Variants in ZNF618 observed in about 807,000 individuals in gnomAD.
ZNF618 encodes the protein zinc finger protein 618, also known as neural precursor cell expressed, developmentally down-regulated 10.
ZNF618 carries 34 observed loss-of-function variants against 103.0 expected under a neutral mutation model. The ratio of observed to expected loss-of-function variants is 0.33; its 90% CI spans 0.25 to 0.44. The LOEUF is 0.44. ZNF618 is among the 20% of genes least tolerant of loss of function. The pLI is 1.00. For missense variants in ZNF618, 1,059 were observed against 1,295.4 expected (o/e 0.82, Z 2.80); for synonymous variants, 551 against 542.2 (o/e 1.02, Z -0.23).
At position 114,028,826 on chromosome 9, in the gene ZNF618, C is replaced by T. The variant is rs905110754; in HGVS notation, c.938C>T (p.Ala313Val). ...EVSPSPRFVA[A>V]KTQTNQSGKK... ...TCCCCATCTCCACGCTTCGTGGCAG[C>T]GAAGACCCAGACGAACCAGTCGGGG... Residue 313 changes from alanine to valine, a missense_variant, in exon 11 of 15, where the codon GCG (alanine) becomes GTG (valine). Coordinates refer to ENST00000374126, the MANE Select transcript of ZNF618 (RefSeq NM_001318042.2). 2.1e-5 allele frequency: 32 copies of T among 1,550,492 alleles called. No individual in the cohort carries two copies. In the African/African-American group the frequency reaches 3.8e-4, roughly 19 times the overall value.
intron 2 of ZNF618, among the ~76,000 whole-genome samples, chr9:113,976,030 CTTAA>C (rs1171605935): frequency 6.6e-6 from 1 of 152,170 alleles, no homozygotes; most frequent in Non-Finnish European, 1.5e-5. Flanking sequence ...GTTCACTCTG[CTTAA>C]TTAGTTACCA....
At chr9:113,930,550 A>AT (rs1833490451) in intron 1 of ZNF618, among the ~76,000 whole-genome samples, 2 of 152,218 alleles carry the variant, frequency 1.3e-5, no homozygotes, top group African/African-American at 4.8e-5. Context: ...TGTAATTTCT[A>AT]TTTTTAAGGC....
At chr9:113,986,485 A>G (rs976372408) in intron 2 of ZNF618, among the ~76,000 whole-genome samples, 2 of 152,144 alleles carry the variant, frequency 1.3e-5, no homozygotes, top group Non-Finnish European at 2.9e-5. Flanking sequence ...GGAGGTTGTG[A>G]TTAGGTTGCC....
intron 1 of ZNF618, among the ~76,000 whole-genome samples, chr9:113,961,381 G>A (rs1461937382): frequency 1.3e-5 from 2 of 152,220 alleles, no homozygotes; most frequent in South Asian, 4.1e-4. Context: ...ATAATACATA[G>A]TGGTATTTGG....
At chr9:113,944,091 G>A (rs1049681467) in intron 1 of ZNF618, among the ~76,000 whole-genome samples, 9 of 152,110 alleles carry the variant, frequency 5.9e-5, no homozygotes, top group Non-Finnish European at 1.2e-4. Context: ...CGCCCTGCAC[G>A]GTTTGATCCA....
At chr9:114,043,279 T>C (rs911573131) in intron 13 of ZNF618, among the ~76,000 whole-genome samples, 5 of 152,260 alleles carry the variant, frequency 3.3e-5, no homozygotes, top group Non-Finnish European at 7.3e-5. Context: ...AAGGTAATTC[T>C]GTTTAATCCT....
chr9:113,901,788 T>G (rs1830575055), intron 1 of ZNF618, among the ~76,000 whole-genome samples: 1 of 152,186 alleles, frequency 6.6e-6, no homozygotes, highest in South Asian at 2.1e-4. Context: ...TGCTGCCTCC[T>G]TGGTCCCTAA....
At chr9:113,951,548 C>T (rs1422843543) in intron 1 of ZNF618, among the ~76,000 whole-genome samples, 2 of 59,630 alleles carry the variant, frequency 3.4e-5, no homozygotes, top group African/African-American at 1.1e-4. Flanking sequence ...CATATGTACA[C>T]ATATGTGTGT....
chr9:114,039,894 C>CAAG, intron 13 of ZNF618, among the ~76,000 whole-genome samples: 7 of 152,094 alleles, frequency 4.6e-5, no homozygotes, highest in African/African-American at 1.7e-4. Context: ...GGGAAGCAAC[C>CAAG]TTTATTCCAG....
intron 4 of ZNF618, among the ~76,000 whole-genome samples, chr9:113,999,583 C>G (rs1840978493): frequency 6.6e-6 from 1 of 152,202 alleles, no homozygotes; most frequent in East Asian, 1.9e-4. Context: ...GCTGCATGTG[C>G]CCACAGCTCT....
intron 1 of ZNF618, among the ~76,000 whole-genome samples, chr9:113,886,668 C>G (rs2130915002): frequency 6.6e-6 from 1 of 152,090 alleles, no homozygotes; most frequent in African/African-American, 2.4e-5. Flanking sequence ...GTGCTACTAG[C>G]CTTCGTTGGA....
intron 13 of ZNF618, among the ~76,000 whole-genome samples, chr9:114,045,319 CTTATAAAACTCT>C (rs1361342689): frequency 6.6e-6 from 1 of 152,054 alleles, no homozygotes; most frequent in Non-Finnish European, 1.5e-5. Context: ...CATATGTTTC[CTTATAAAACTCT>C]AAGAATTTTA....
rs1835717042 is a variant in ZNF618, at chr9:113,951,517, A to ATGTG, written c.34-17599_34-17598insGTGT. On this transcript the variant is annotated intron_variant, in intron 1 of 14. Transcript: ENST00000374126. ...TGTATGTGTACACATATATGTGTGT[A>ATGTG]TATGTACACATATGTGTGTACATAT... Among the ~76,000 whole-genome samples, 4 of 41,792 alleles carry ATGTG rather than the reference A, an allele frequency of 9.6e-5. 1 individual carries two copies. Among genetic ancestry groups the ATGTG allele is most frequent in the African/African-American group, 2.5e-4 (4 of 16,180 alleles). The allele number at this position is 41,792 out of a possible 152,430, so 27.4% of individuals were successfully genotyped here. A position where few individuals can be genotyped will look rare whatever the true frequency, so the allele number is the denominator to read the frequency against.
chr9:113,997,707 A>G (rs1840754544), intron 3 of ZNF618, among the ~76,000 whole-genome samples: 1 of 152,186 alleles, frequency 6.6e-6, no homozygotes, highest in Admixed American at 6.5e-5. Context: ...CTGCATGGAA[A>G]CATTGCAGAT....
chr9:114,054,064 T>C lies in ZNF618; in HGVS notation c.*3897T>C, dbSNP rs1458475250. ...GGTGTGCAGGCTGGGAAGAGACATCTCTTTCAGTTTGACCCTTTATCTCCT... is the reference window on the plus strand; with the variant it reads ...GGTGTGCAGGCTGGGAAGAGACATCCCTTTCAGTTTGACCCTTTATCTCCT... On this transcript the variant is annotated 3_prime_UTR_variant, in exon 15 of 15. Coordinates refer to ENST00000374126, the MANE Select transcript of ZNF618 (RefSeq NM_001318042.2). The C allele has an allele frequency of 3.3e-5, 5 of 152,604 alleles. No individual in the cohort carries two copies. The highest frequency in any genetic ancestry group is 7.3e-5 in the Non-Finnish European group (5 of 68,052). 9.5% of individuals were successfully genotyped at this position (152,604 alleles called of 1,614,324 possible).
At chr9:113,941,712 A>G (rs1057330273) in intron 1 of ZNF618, among the ~76,000 whole-genome samples, 2 of 152,160 alleles carry the variant, frequency 1.3e-5, no homozygotes, top group East Asian at 3.8e-4. Flanking sequence ...CTATGAAAGC[A>G]TTTAGGATTT....
chr9:113,974,449 GA>G (rs763726625), intron 2 of ZNF618, among the ~76,000 whole-genome samples: 5 of 152,204 alleles, frequency 3.3e-5, no homozygotes, highest in Non-Finnish European at 7.3e-5. Flanking sequence ...TGGGGAGTTT[GA>G]ACAGAGAAGT....
chr9:114,001,739 C>A (rs923419294), intron 4 of ZNF618, among the ~76,000 whole-genome samples: 23 of 152,122 alleles, frequency 1.5e-4, no homozygotes, highest in African/African-American at 5.3e-4. Flanking sequence ...AAGAAGTTAC[C>A]TTCTCCATCT....
intron 1 of ZNF618, among the ~76,000 whole-genome samples, chr9:113,885,149 C>T (rs905607514): frequency 1.3e-5 from 2 of 152,070 alleles, no homozygotes; most frequent in African/African-American, 4.8e-5. Context: ...TGGTGTCTCT[C>T]AGCAGTGTAA....
Sources: gnomAD v4.1 joint callset for allele counts (sites outside exome capture counted in the v4.1 genomes callset) on GRCh38, gnomAD v4.1.1 for gene constraint, MANE v1.5 for transcripts, NCBI Gene and HGNC (gene_info 2026-07-23, HGNC 2026-07-21) for gene names.